Variants in TNS3 observed in about 807,000 individuals in gnomAD.
TNS3 encodes the protein tensin 3, also known as tensin-3.
TNS3 carries 45 observed loss-of-function variants against 140.9 expected under a neutral mutation model. The observed-to-expected ratio is 0.32, with a 90% confidence interval of 0.25 to 0.41. TNS3 has a LOEUF of 0.41. Among genes scored for constraint, TNS3 ranks in the 10% least tolerant of loss-of-function variants. The pLI is 1.00. For synonymous variants in TNS3, 815 were observed against 788.4 expected (o/e 1.03, Z -0.56); for missense variants, 1,716 against 1,906.7 (o/e 0.90, Z 1.86).
At chr7:47,400,745 A>C in intron 14 of TNS3, 40 bp downstream of exon 14, 1 of 1,607,066 alleles carries the variant, frequency 6.2e-7, no homozygotes, top group Non-Finnish European at 8.5e-7. Flanking sequence ...GTTCAACCGC[A>C]GCTGCCCACA....
At chr7:47,325,425 A>G (rs534243328) in intron 20 of TNS3, among the ~76,000 whole-genome samples, 3 of 152,278 alleles carry the variant, frequency 2.0e-5, no homozygotes, top group African/African-American at 7.2e-5. Context: ...ATCAAGAATC[A>G]TATGTCCACA....
intron 16 of TNS3, among the ~76,000 whole-genome samples, chr7:47,395,362 G>A (rs905441566): frequency 6.6e-6 from 1 of 152,096 alleles, no homozygotes; most frequent in Non-Finnish European, 1.5e-5. Context: ...CTTGCCTTGC[G>A]ATGATTATTT....
intron 9 of TNS3, among the ~76,000 whole-genome samples, chr7:47,427,908 CAAAAGAGG>C (rs1032512128): frequency 6.6e-6 from 1 of 152,218 alleles, no homozygotes; most frequent in African/African-American, 2.4e-5. Context: ...CCAGTGCCTG[CAAAAGAGG>C]TGGCTGTCAT....
At chr7:47,323,953 AC>A (rs1316885300) in intron 20 of TNS3, among the ~76,000 whole-genome samples, 1 of 152,244 alleles carries the variant, frequency 6.6e-6, no homozygotes, top group African/African-American at 2.4e-5. Context: ...AAACGTATGC[AC>A]CCGGATTTTC....
intron 17 of TNS3, among the ~76,000 whole-genome samples, chr7:47,347,260 G>T (rs1227565911): frequency 6.6e-6 from 1 of 152,094 alleles, no homozygotes; most frequent in African/African-American, 2.4e-5. Flanking sequence ...CCCACATAAG[G>T]CTCCTCTTAG....
intron 1 of TNS3, among the ~76,000 whole-genome samples, chr7:47,576,976 G>A (rs1800689724): frequency 6.6e-6 from 1 of 152,244 alleles, no homozygotes; most frequent in African/African-American, 2.4e-5. Context: ...GTATTCCAGT[G>A]TATTCAAAGC....
At chr7:47,425,298 C>A (rs1339276389) in intron 9 of TNS3, among the ~76,000 whole-genome samples, 1 of 152,128 alleles carries the variant, frequency 6.6e-6, no homozygotes, top group Non-Finnish European at 1.5e-5. Context: ...GCCTGGGTGA[C>A]AGAGTGAGAC....
chr7:47,396,170 C>T (rs946652432), intron 16 of TNS3, among the ~76,000 whole-genome samples: 4 of 152,206 alleles, frequency 2.6e-5, no homozygotes, highest in African/African-American at 9.6e-5. Flanking sequence ...AGCCTCAATT[C>T]CCCTCCTTTG....
intron 4 of TNS3, among the ~76,000 whole-genome samples, chr7:47,448,321 C>G (rs1053891806): frequency 6.6e-6 from 1 of 152,218 alleles, no homozygotes; most frequent in African/African-American, 2.4e-5. Flanking sequence ...CCACGACGTC[C>G]CAGGGAGACA....
rs549194829 is a variant in TNS3, at chr7:47,559,122, T to C, written c.-265+22929A>G. On this transcript the variant is annotated intron_variant, in intron 1 of 30. Coordinates refer to ENST00000311160, the MANE Select transcript of TNS3 (RefSeq NM_022748.12). The stretch of plus-strand genomic sequence containing the variant: ...ATCCCATCACTTTGGGAGGCCAAGG[T>C]GGGCGGATCATGAGATCAGGAATTT... Among the ~76,000 whole-genome samples the C allele has an allele frequency of 1.5e-3, 226 of 152,268 alleles. 2 individuals are homozygous for C. Among genetic ancestry groups the C allele is most frequent in the African/African-American group, 5.2e-3 (217 of 41,546 alleles).
intron 3 of TNS3, among the ~76,000 whole-genome samples, chr7:47,489,194 CTGCGGGCTGAGA>C (rs1237543780): frequency 6.6e-6 from 1 of 152,184 alleles, no homozygotes; most frequent in Non-Finnish European, 1.5e-5. Context: ...CCTTCTCAGC[CTGCGGGCTGAGA>C]ACCGGGACAG....
intron 13 of TNS3, among the ~76,000 whole-genome samples, chr7:47,410,949 C>G (rs1169585011): frequency 6.6e-6 from 1 of 152,202 alleles, no homozygotes; most frequent in Admixed American, 6.5e-5. Flanking sequence ...CAAGAACCAA[C>G]ACACATAAGA....
At chr7:47,297,785 GTT>G (rs768611066) in intron 23 of TNS3, among the ~76,000 whole-genome samples, 8 of 136,294 alleles carry the variant, frequency 5.9e-5, no homozygotes, top group East Asian at 2.2e-4. Flanking sequence ...AAGGAAAGAA[GTT>G]TTTTTTTTTT....
intron 4 of TNS3, among the ~76,000 whole-genome samples, chr7:47,479,488 A>T (rs1288392998): frequency 2.6e-5 from 1 of 38,968 alleles, no homozygotes; most frequent in South Asian, 1.0e-3. Context: ...CTACTCCCCC[A>T]CCCCCCCGTC....
chr7:47,359,885 A>G (rs1415376683), intron 17 of TNS3, among the ~76,000 whole-genome samples: 1 of 152,092 alleles, frequency 6.6e-6, no homozygotes, highest in African/African-American at 2.4e-5. Context: ...GTGTGGACTG[A>G]GCAGAAGGTG....
At chr7:47,565,367 G>A (rs1313513333) in intron 1 of TNS3, among the ~76,000 whole-genome samples, 7 of 148,852 alleles carry the variant, frequency 4.7e-5, no homozygotes, top group Middle Eastern at 3.6e-3. Flanking sequence ...GAGCCACCGC[G>A]CCCGGCCTTT....
chr7:47,494,699 T>C (rs897298467), intron 3 of TNS3, among the ~76,000 whole-genome samples: 1 of 151,516 alleles, frequency 6.6e-6, no homozygotes, highest in African/African-American at 2.4e-5. Flanking sequence ...AAGGCAGGAG[T>C]TGAAATGCCT....
intron 16 of TNS3, among the ~76,000 whole-genome samples, chr7:47,377,170 C>T (rs1791443649): frequency 6.6e-6 from 1 of 152,178 alleles, no homozygotes. Flanking sequence ...CCAAACAGTC[C>T]CAATAAGTGG....
intron 17 of TNS3, among the ~76,000 whole-genome samples, chr7:47,363,102 AT>A (rs2151107415): frequency 7.6e-4 from 3 of 3,948 alleles, no homozygotes; most frequent in East Asian, 5.4e-3. Context: ...AGTCATCACC[AT>A]CATCATCATC....
Sources: gnomAD v4.1 joint callset for allele counts (sites outside exome capture counted in the v4.1 genomes callset) on GRCh38, gnomAD v4.1.1 for gene constraint, MANE v1.5 for transcripts, NCBI Gene and HGNC (gene_info 2026-07-23, HGNC 2026-07-21) for gene names.